THSD7A: variants seen among roughly 807,000 people sequenced by gnomAD.
THSD7A encodes the protein thrombospondin type-1 domain-containing protein 7A.
A neutral mutation model predicts 231.3 loss-of-function variants in THSD7A; 96 were observed. The ratio of observed to expected loss-of-function variants is 0.41; its 90% confidence interval spans 0.35 to 0.49. The LOEUF is 0.49. Ranked by LOEUF, THSD7A falls within the 20% of genes least tolerant of loss-of-function variation. The probability of loss-of-function intolerance (pLI) is 0.05; values close to 1 mark genes in which losing one functional copy is unlikely to be tolerated. For missense variants in THSD7A, 2,290 were observed against 2,070.2 expected (o/e 1.11, Z -2.06); for synonymous variants, 940 against 743.3 (o/e 1.26, Z -4.30).
At chr7:11,600,529 T>C (rs1441748282) in intron 2 of THSD7A, among the ~76,000 whole-genome samples, 1 of 152,190 alleles carries the variant, frequency 6.6e-6, no homozygotes, top group African/African-American at 2.4e-5. Flanking sequence ...GATGATGGTA[T>C]GGACGTCATC....
rs752554729 is a variant in THSD7A at position 11,636,570 on chromosome 7, A to G, written c.582T>C (p.Asp194=). The part of the protein sequence containing the change: ...EQACLIPCQQ[D]CIVSEFSAWS... Reference sequence around the variant, plus strand: ...AGGCAGAAAATTCAGACACGATGCAATCTTGCTGGCAAGGAATGAGGCAAG... The same window carrying G: ...AGGCAGAAAATTCAGACACGATGCAGTCTTGCTGGCAAGGAATGAGGCAAG... Residue 194 remains aspartate, a synonymous_variant, in exon 2 of 28, where the codon GAT becomes GAC. Transcript: ENST00000423059. This position sits in a 1 kb window ranked among gnomAD's most constrained non-coding sequence, Gnocchi z 10.0. 1.2e-6 allele frequency: 2 copies of G among 1,613,838 alleles called. No individual in the cohort carries two copies. The highest frequency in any genetic ancestry group is 1.3e-5 in the African/African-American group (1 of 74,908).
At chr7:11,739,872 A>G (rs1782048595) in intron 1 of THSD7A, among the ~76,000 whole-genome samples, 1 of 152,000 alleles carries the variant, frequency 6.6e-6, no homozygotes, top group Non-Finnish European at 1.5e-5. Flanking sequence ...GGATGCAGGA[A>G]TAAGGGAAAA....
chr7:11,450,428 A>G (rs190259001), intron 11 of THSD7A, among the ~76,000 whole-genome samples: 2 of 152,152 alleles, frequency 1.3e-5, no homozygotes, highest in East Asian at 3.9e-4. Context: ...TACTCATACA[A>G]TGTTATCCAA....
chr7:11,769,142 TATATATA>T (rs1459926584), intron 1 of THSD7A, among the ~76,000 whole-genome samples: 7 of 64,916 alleles, frequency 1.1e-4, no homozygotes, highest in African/African-American at 3.6e-4. Flanking sequence ...TATATATATA[TATATATA>T]TATATTTTTT....
intron 13 of THSD7A, among the ~76,000 whole-genome samples, chr7:11,435,714 T>TATTA (rs1204603400): frequency 6.6e-6 from 1 of 152,086 alleles, no homozygotes; most frequent in Non-Finnish European, 1.5e-5. Context: ...ATCCTTTTGC[T>TATTA]ATTATAAAAC....
intron 6 of THSD7A, among the ~76,000 whole-genome samples, chr7:11,513,357 T>TTAAATA (rs61656047): frequency 3.4e-5 from 5 of 148,584 alleles, no homozygotes; most frequent in African/African-American, 7.5e-5. Flanking sequence ...TTTTCAAGAA[T>TTAAATA]AAAAAAAACC....
chr7:11,427,527 A>C (rs1169773498), intron 14 of THSD7A, among the ~76,000 whole-genome samples: 1 of 152,146 alleles, frequency 6.6e-6, no homozygotes, highest in Non-Finnish European at 1.5e-5. Context: ...GAACCTTTGG[A>C]AATTCACTTA....
In THSD7A at chr7:11,379,732, G is replaced by T; in HGVS notation, c.4508-20C>A. On this transcript the variant is annotated intron_variant, in intron 24 of 27. Coordinates refer to ENST00000423059, the MANE Select transcript of THSD7A (RefSeq NM_015204.3). ...AGCCCCCTGCGGAACAGAAAATCAT[G>T]TTTTGACAAATAATATATTTTGCTA... 1 of 1,564,222 alleles carries T rather than the reference G, an allele frequency of 6.4e-7. No homozygotes were observed. The highest frequency in any genetic ancestry group is 8.7e-7 in the Non-Finnish European group (1 of 1,153,188).
intron 1 of THSD7A, among the ~76,000 whole-genome samples, chr7:11,747,878 A>ACC (rs1782362970): frequency 1.3e-5 from 2 of 151,944 alleles, no homozygotes; most frequent in Non-Finnish European, 2.9e-5. Context: ...AAAGTGTATA[A>ACC]AAAGGCACAA....
chr7:11,436,679 GTTTT>G (rs55972329), intron 13 of THSD7A, among the ~76,000 whole-genome samples: 4 of 145,498 alleles, frequency 2.7e-5, no homozygotes, highest in African/African-American at 1.0e-4. Flanking sequence ...TTTAAAGTAG[GTTTT>G]TTTTTTTTAA....
At chr7:11,588,880 A>G (rs1780034347) in intron 4 of THSD7A, among the ~76,000 whole-genome samples, 1 of 152,248 alleles carries the variant, frequency 6.6e-6, no homozygotes, top group Non-Finnish European at 1.5e-5. Flanking sequence ...TTATAACCTC[A>G]AGATACATTA....
rs938455962 is a variant in THSD7A at position 11,417,699 on chromosome 7, G to T, written c.3384-96C>A. 3 of 1,302,850 alleles carry T rather than the reference G, an allele frequency of 2.3e-6. No individual in the cohort carries two copies. In the South Asian group the frequency reaches 4.8e-5, roughly 21 times the overall value. 80.7% of individuals were successfully genotyped at this position (1,302,850 alleles called of 1,614,324 possible). A position where few individuals can be genotyped will look rare whatever the true frequency, so the allele number is the denominator to read the frequency against. On this transcript the variant is annotated intron_variant, in intron 16 of 27. Coordinates refer to ENST00000423059, the MANE Select transcript of THSD7A (RefSeq NM_015204.3). Reference sequence around the variant, plus strand: ...GAATGACCAACCCACAGGACAGATGGTTCTCCTTAAGACATCGTTATGGGG... The same window carrying T: ...GAATGACCAACCCACAGGACAGATGTTTCTCCTTAAGACATCGTTATGGGG...
At chr7:11,439,711 A>G (rs1050213292) in intron 13 of THSD7A, among the ~76,000 whole-genome samples, 2 of 152,056 alleles carry the variant, frequency 1.3e-5, no homozygotes, top group Admixed American at 6.6e-5. Context: ...CTTCAGCTCT[A>G]TGCAGGCTGA....
chr7:11,646,586 C>T (rs1023460789), intron 1 of THSD7A, among the ~76,000 whole-genome samples: 7 of 152,072 alleles, frequency 4.6e-5, no homozygotes, highest in African/African-American at 1.4e-4. Flanking sequence ...AAACTTTTTA[C>T]CCATTTCAGG....
intron 4 of THSD7A, among the ~76,000 whole-genome samples, chr7:11,569,786 A>G (rs1034663955): frequency 6.6e-6 from 1 of 152,252 alleles, no homozygotes; most frequent in South Asian, 2.1e-4. Context: ...GTGTCCATCA[A>G]CAAATGAATG....
chr7:11,449,921 T>C (rs1167905628), intron 11 of THSD7A, among the ~76,000 whole-genome samples: 1 of 152,172 alleles, frequency 6.6e-6, no homozygotes, highest in South Asian at 2.1e-4. Flanking sequence ...CATCTGATCA[T>C]ATGAGAATCG....
intron 8 of THSD7A, among the ~76,000 whole-genome samples, chr7:11,473,775 T>C (rs2128302098): frequency 6.6e-6 from 1 of 152,202 alleles, no homozygotes; most frequent in African/African-American, 2.4e-5. Context: ...AATGATAGTT[T>C]TTCTACTTAT....
intron 4 of THSD7A, among the ~76,000 whole-genome samples, chr7:11,589,997 T>G (rs1780087168): frequency 6.6e-6 from 1 of 152,220 alleles, no homozygotes. Flanking sequence ...TATTCTGTAC[T>G]TATTTAAATT....
chr7:11,570,549 C>T lies in THSD7A; in HGVS notation c.1453+19911G>A, dbSNP rs114122013. Among the ~76,000 whole-genome samples the T allele has an allele frequency of 4.4e-3, 668 of 152,322 alleles. 7 individuals are homozygous for T. Among genetic ancestry groups the T allele is most frequent in the African/African-American group, 0.015 (633 of 41,576 alleles). Reference sequence around the variant, plus strand: ...TGAGATGACAAATATCCTAAATACCCTGTTTTGATCATTATACATTGTATG... The same window carrying T: ...TGAGATGACAAATATCCTAAATACCTTGTTTTGATCATTATACATTGTATG... On this transcript the variant is annotated intron_variant, in intron 4 of 27. Coordinates refer to ENST00000423059, the MANE Select transcript of THSD7A (RefSeq NM_015204.3).
Sources: gnomAD v4.1 joint callset for allele counts (sites outside exome capture counted in the v4.1 genomes callset) on GRCh38, gnomAD v4.1.1 for gene constraint, Gnocchi (gnomAD v3.1) non-coding constraint, MANE v1.5 for transcripts, NCBI Gene and HGNC (gene_info 2026-07-23, HGNC 2026-07-21) for gene names.